The following F8 variants were observed in gnomAD, a reference collection of about 807,000 sequenced individuals.
F8 encodes antihemophilic factor.
A neutral mutation model predicts 140.6 loss-of-function variants in F8; 12 were observed. The observed-to-expected ratio is 0.09, with a 90% confidence interval of 0.05 to 0.14. The LOEUF is 0.14. F8 is among the 10% of genes least tolerant of loss of function. The pLI is 1.00. For missense variants in F8, 1,354 were observed against 1,720.7 expected (o/e 0.79, Z 3.77); for synonymous variants, 585 against 614.6 (o/e 0.95, Z 0.71).
chrX:154,906,040 T>G (rs1484473880), intron 15 of F8, among the ~76,000 whole-genome samples: 1 of 111,932 alleles, frequency 8.9e-6, no homozygotes, highest in Non-Finnish European at 1.9e-5. Flanking sequence ...CTGTTGTGAT[T>G]ACAGCGTTAT....
At chrX:154,938,341 A>C (rs2073235303) in intron 13 of F8, among the ~76,000 whole-genome samples, 1 of 111,898 alleles carries the variant, frequency 8.9e-6, no homozygotes, top group Non-Finnish European at 1.9e-5. Context: ...TTCAGTGAGG[A>C]AATTATTTTT....
intron 1 of F8, among the ~76,000 whole-genome samples, chrX:155,003,011 C>T (rs1042385864): frequency 9.0e-6 from 1 of 111,614 alleles, no homozygotes; most frequent in African/African-American, 3.3e-5. Context: ...TGTAGTTCCT[C>T]ATAGCCAGTA....
chrX:154,978,043 T>C (rs1437140629), intron 6 of F8, among the ~76,000 whole-genome samples: 4 of 109,932 alleles, frequency 3.6e-5, no homozygotes, highest in African/African-American at 1.3e-4. Context: ...CGGTCTATTG[T>C]TGAACCTTTC....
intron 25 of F8, among the ~76,000 whole-genome samples, chrX:154,850,380 A>G (rs2072605717): frequency 9.1e-6 from 1 of 109,872 alleles, no homozygotes; most frequent in Non-Finnish European, 1.9e-5. Context: ...TTCCTGCCTC[A>G]GCCTTCCAAA....
At chrX:154,962,349 G>A (rs1437687343) in intron 9 of F8, among the ~76,000 whole-genome samples, 3 of 112,089 alleles carry the variant, frequency 2.7e-5, no homozygotes, top group African/African-American at 9.7e-5. Context: ...ATTGCTTCAG[G>A]AAGTATTCTC....
intron 1 of F8, among the ~76,000 whole-genome samples, chrX:155,003,156 A>C (rs1271240131): frequency 8.9e-6 from 1 of 111,808 alleles, no homozygotes; most frequent in African/African-American, 3.3e-5. Flanking sequence ...TCAGACCAGG[A>C]ATTTTTTAAA....
chrX:155,012,416 T>C (rs1048387486), intron 1 of F8, among the ~76,000 whole-genome samples: 3 of 111,216 alleles, frequency 2.7e-5, no homozygotes, highest in East Asian at 5.6e-4. Flanking sequence ...GCTCAAGTGA[T>C]CCTCCTGCCT....
intron 1 of F8, among the ~76,000 whole-genome samples, chrX:155,004,413 C>T (rs1447462581): frequency 1.8e-5 from 2 of 111,883 alleles, no homozygotes; most frequent in Non-Finnish European, 3.8e-5. Flanking sequence ...GAACATCAGC[C>T]ACAGAAACAG....
At chrX:155,016,353 G>A (rs1229342311) in intron 1 of F8, among the ~76,000 whole-genome samples, 4 of 111,807 alleles carry the variant, frequency 3.6e-5, no homozygotes, top group African/African-American at 1.3e-4. Context: ...AGTATAGAAT[G>A]GTACGTTCAA....
At chrX:154,910,294 C>G (rs1282601539) in intron 14 of F8, among the ~76,000 whole-genome samples, 1 of 110,518 alleles carries the variant, frequency 9.0e-6, no homozygotes, top group Non-Finnish European at 1.9e-5. Flanking sequence ...ATCTGGAAAC[C>G]ATCATTCTCA....
intron 12 of F8, among the ~76,000 whole-genome samples, chrX:154,949,337 C>T (rs2073324611): frequency 8.9e-6 from 1 of 111,919 alleles, no homozygotes; most frequent in Non-Finnish European, 1.9e-5. Context: ...GCAAAAATGC[C>T]CAACTGTAAT....
At chrX:154,938,490 A>G (rs1405671924) in intron 13 of F8, among the ~76,000 whole-genome samples, 1 of 112,376 alleles carries the variant, frequency 8.9e-6, no homozygotes, top group Non-Finnish European at 1.9e-5. Flanking sequence ...CTAGAAGAAA[A>G]TATTTAAAAT....
chrX:154,866,024 C>A (rs1253552298), intron 22 of F8, among the ~76,000 whole-genome samples: 1 of 111,154 alleles, frequency 9.0e-6, no homozygotes, highest in Non-Finnish European at 1.9e-5. Flanking sequence ...GATTTAAGGA[C>A]ATACATAGGC....
At chrX:154,935,346 G>C (rs1158362115) in intron 13 of F8, among the ~76,000 whole-genome samples, 1 of 111,870 alleles carries the variant, frequency 8.9e-6, no homozygotes, top group Non-Finnish European at 1.9e-5. Context: ...ATGGGTCAAT[G>C]GAACAGAATG....
intron 3 of F8, among the ~76,000 whole-genome samples, chrX:154,994,247 G>A (rs1322443425): frequency 1.8e-5 from 2 of 111,944 alleles, no homozygotes; most frequent in Admixed American, 9.4e-5. Context: ...CACTTTTTAT[G>A]ATGATGCATT....
chrX:154,902,217 A>G, intron 18 of F8, 50 bp from the exon 19 acceptor site: 1 of 925,765 alleles, frequency 1.1e-6, no homozygotes, highest in Non-Finnish European at 1.6e-6. Flanking sequence ...CTAAAAAATG[A>G]GCATGAGATA....
chrX:154,906,706 T>C, intron 14 of F8, 133 bp from the exon 15 acceptor site: 1 of 575,062 alleles, frequency 1.7e-6, no homozygotes, highest in Non-Finnish European at 2.8e-6. Flanking sequence ...TGAAATACTC[T>C]TGCCAAGCTT....
intron 15 of F8, among the ~76,000 whole-genome samples, chrX:154,905,855 C>A (rs2073035463): frequency 9.0e-6 from 1 of 111,253 alleles, no homozygotes; most frequent in African/African-American, 3.3e-5. Flanking sequence ...TGAAAAAGTA[C>A]CTCTCATTAA....
chrX:154,890,522 G>A (rs782028017), intron 22 of F8, among the ~76,000 whole-genome samples: 19 of 112,198 alleles, frequency 1.7e-4, no homozygotes, highest in Non-Finnish European at 2.8e-4. Context: ...TCAAAACCAC[G>A]TTTGGGTTTA....
Sources: allele counts gnomAD v4.1 joint callset (sites outside exome capture counted in the v4.1 genomes callset), GRCh38; gene constraint gnomAD v4.1.1; transcripts MANE v1.5; gene names NCBI Gene and HGNC (gene_info 2026-07-23, HGNC 2026-07-21).